The following SORCS3 variants were observed in gnomAD, a reference collection of about 807,000 sequenced individuals.
The protein encoded by SORCS3 is sortilin related VPS10 domain containing receptor 3.
SORCS3 carries 57 observed loss-of-function variants against 146.3 expected under a neutral mutation model. The ratio of observed to expected loss-of-function variants is 0.39; its 90% CI spans 0.31 to 0.49. SORCS3 has a LOEUF of 0.49. Among genes scored for constraint, SORCS3 ranks in the 20% least tolerant of loss-of-function variants. The pLI is 0.92. For synonymous variants in SORCS3, 653 were observed against 618.5 expected, an observed-to-expected ratio of 1.06 and a Z score of -0.83; for missense variants, 1,341 against 1,575.5, an observed-to-expected ratio of 0.85 and a Z score of 2.52.
chr10:104,842,771 C>T, intron 1 of SORCS3, 21 bp from the exon 2 acceptor site: 1 of 1,608,954 alleles, frequency 6.2e-7, no homozygotes, highest in Non-Finnish European at 8.5e-7. Context: ...CTCCTTTGCC[C>T]TTATCCCCAA....
intron 1 of SORCS3, among the ~76,000 whole-genome samples, chr10:104,642,348 G>T (rs1051463507): frequency 1.3e-5 from 2 of 152,042 alleles, no homozygotes; most frequent in Non-Finnish European, 2.9e-5. Flanking sequence ...TGAACAGACC[G>T]ATTCCTGCGG....
At chr10:105,155,058 A>C (rs1445202383) in intron 9 of SORCS3, among the ~76,000 whole-genome samples, 3 of 152,224 alleles carry the variant, frequency 2.0e-5, no homozygotes, top group African/African-American at 7.2e-5. Context: ...TCACAGCTGC[A>C]AGTGGGTTCC....
At position 105,021,186 on chromosome 10, in the gene SORCS3, A is replaced by G. The variant is rs2055195475; in HGVS notation, c.955-21869A>G. On this transcript the variant is annotated intron_variant, in intron 4 of 26. Transcript: ENST00000369701. Reference sequence around the variant, plus strand: ...TTATTATAAACAAATTTATTGTCTCATGGTTCTAGCTGCTGGAAAGTCCAA... The same window carrying G: ...TTATTATAAACAAATTTATTGTCTCGTGGTTCTAGCTGCTGGAAAGTCCAA... Among the ~76,000 whole-genome samples, 6 of 152,136 alleles carry G rather than the reference A, an allele frequency of 3.9e-5. No homozygotes were observed. In the South Asian group the frequency reaches 1.2e-3, roughly 32 times the overall value.
intron 5 of SORCS3, among the ~76,000 whole-genome samples, chr10:105,060,420 G>A (rs1448850855): frequency 1.3e-5 from 2 of 152,132 alleles, no homozygotes; most frequent in Admixed American, 6.5e-5. Flanking sequence ...TAAAGATTTT[G>A]CAGTTAATAC....
intron 1 of SORCS3, among the ~76,000 whole-genome samples, chr10:104,736,051 C>G (rs2016768019): frequency 6.6e-6 from 1 of 152,114 alleles, no homozygotes; most frequent in Non-Finnish European, 1.5e-5. Flanking sequence ...CGGCTCATCC[C>G]CCTTGGGCTG....
chr10:104,976,899 G>C (rs1456771545), intron 3 of SORCS3, among the ~76,000 whole-genome samples: 1 of 152,054 alleles, frequency 6.6e-6, no homozygotes, highest in Non-Finnish European at 1.5e-5. Flanking sequence ...TCACACTCTG[G>C]GGACTGTTGT....
intron 7 of SORCS3, among the ~76,000 whole-genome samples, chr10:105,114,021 C>G (rs1423501410): frequency 2.0e-5 from 3 of 152,088 alleles, no homozygotes; most frequent in African/African-American, 7.2e-5. Flanking sequence ...AGTGATTATC[C>G]TGGAGAATCT....
chr10:105,105,906 T>C (rs1487783330), intron 7 of SORCS3, among the ~76,000 whole-genome samples: 1 of 152,186 alleles, frequency 6.6e-6, no homozygotes, highest in African/African-American at 2.4e-5. Context: ...AGGATTCTTT[T>C]TCTGGAAATA....
intron 4 of SORCS3, among the ~76,000 whole-genome samples, chr10:105,021,941 C>T (rs1188731837): frequency 6.6e-6 from 1 of 152,192 alleles, no homozygotes; most frequent in Non-Finnish European, 1.5e-5. Context: ...TGAAAGAAGT[C>T]AATCTGAAAC....
chr10:105,177,933 G>A, intron 13 of SORCS3, 133 bp from the exon 14 acceptor site: 1 of 666,984 alleles, frequency 1.5e-6, no homozygotes, highest in Non-Finnish European at 2.7e-6. Context: ...AGATGTTGAA[G>A]ATTAAAACCT....
chr10:104,937,628 T>A (rs1447791700), intron 3 of SORCS3, among the ~76,000 whole-genome samples: 2 of 152,288 alleles, frequency 1.3e-5, no homozygotes, highest in African/African-American at 4.8e-5. Flanking sequence ...TTTCCTTCAG[T>A]CTAGAGCAAA....
intron 2 of SORCS3, among the ~76,000 whole-genome samples, chr10:104,909,495 C>T (rs1228092373): frequency 6.6e-6 from 1 of 152,142 alleles, no homozygotes; most frequent in Non-Finnish European, 1.5e-5. Context: ...GAGATGACTT[C>T]TGACTGGTGA....
chr10:104,695,966 T>C (rs1056108240), intron 1 of SORCS3, among the ~76,000 whole-genome samples: 3 of 141,766 alleles, frequency 2.1e-5, no homozygotes, highest in Non-Finnish European at 4.5e-5. Context: ...TATATACACA[T>C]ATAATATATA....
chr10:105,107,462 T>G (rs2133754786), intron 7 of SORCS3, among the ~76,000 whole-genome samples: 1 of 152,310 alleles, frequency 6.6e-6, no homozygotes. Context: ...TCATTTTTCC[T>G]TGTGTTCCAT....
chr10:104,648,923 G>C (rs1175578729), intron 1 of SORCS3, among the ~76,000 whole-genome samples: 1 of 152,188 alleles, frequency 6.6e-6, no homozygotes, highest in Non-Finnish European at 1.5e-5. Context: ...CTGCAGCAGA[G>C]TGGGGCCAGC....
At chr10:104,662,767 T>A (rs982234502) in intron 1 of SORCS3, among the ~76,000 whole-genome samples, 8 of 152,002 alleles carry the variant, frequency 5.3e-5, no homozygotes, top group Admixed American at 3.3e-4. Flanking sequence ...AGTAATAGGG[T>A]GTTTTTCGGA....
intron 1 of SORCS3, among the ~76,000 whole-genome samples, chr10:104,758,109 A>G (rs915302268): frequency 6.6e-6 from 1 of 152,212 alleles, no homozygotes; most frequent in Non-Finnish European, 1.5e-5. Flanking sequence ...AAGCCCCAGC[A>G]ATGAATAGGA....
intron 1 of SORCS3, among the ~76,000 whole-genome samples, chr10:104,752,569 T>C (rs1386097589): frequency 1.3e-5 from 2 of 152,188 alleles, no homozygotes; most frequent in African/African-American, 2.4e-5. Context: ...ACCACAGATA[T>C]ATTTAGCCTC....
intron 1 of SORCS3, among the ~76,000 whole-genome samples, chr10:104,746,200 G>A (rs1256452882): frequency 3.3e-5 from 5 of 150,032 alleles, no homozygotes; most frequent in Admixed American, 1.3e-4. Flanking sequence ...GCAGTGGTGC[G>A]ATCTCGGCTC....
Sources: allele counts gnomAD v4.1 joint callset (sites outside exome capture counted in the v4.1 genomes callset), GRCh38; gene constraint gnomAD v4.1.1; transcripts MANE v1.5; gene names NCBI Gene and HGNC (gene_info 2026-07-23, HGNC 2026-07-21).